Variants in CYB5A observed in about 807,000 individuals in gnomAD.
The protein encoded by CYB5A is cytochrome b5 type A, also known as cytochrome b5.
CYB5A carries 10 observed loss-of-function variants against 16.2 expected under a neutral mutation model. That is an observed-to-expected ratio of 0.62 (90% CI 0.38 to 1.04). CYB5A has a LOEUF of 1.04. Ranked by LOEUF, CYB5A falls within the 50% of genes least tolerant of loss-of-function variation. The pLI, the probability that CYB5A is intolerant of heterozygous loss-of-function variation, is 0.01. For missense variants in CYB5A, 161 were observed against 165.9 expected (o/e 0.97, Z 0.16); for synonymous variants, 62 against 57.0 (o/e 1.09, Z -0.40).
At chr18:74,275,135 A>C (rs985341382) in intron 1 of CYB5A, among the ~76,000 whole-genome samples, 3 of 152,184 alleles carry the variant, frequency 2.0e-5, no homozygotes, top group African/African-American at 4.8e-5. Context: ...GCAGCACAGG[A>C]GGTACCCTTC....
At chr18:74,255,464 G>A (rs928088551) in intron 4 of CYB5A, among the ~76,000 whole-genome samples, 4 of 152,230 alleles carry the variant, frequency 2.6e-5, no homozygotes, top group South Asian at 4.1e-4. Flanking sequence ...GGCCGCCTAA[G>A]ATGCTGCCCT....
Position 74,251,721 on chromosome 18 carries a change from T to A in CYB5A, c.*1863A>T, listed in dbSNP as rs1981781416. Reference sequence around the variant, plus strand: ...TCCTTGAGAGTCTGGCTGCACAAACTGTAAATGTTAAAATTAGGAAGTAAA... The same window carrying A: ...TCCTTGAGAGTCTGGCTGCACAAACAGTAAATGTTAAAATTAGGAAGTAAA... On this transcript the variant is annotated 3_prime_UTR_variant, in exon 5 of 5. Transcript: ENST00000340533. 6.6e-6 allele frequency: 1 copy of A among 152,186 alleles called. No individual in the cohort carries two copies. The highest frequency in any genetic ancestry group is 1.5e-5 in the Non-Finnish European group (1 of 68,030). The allele number at this position is 152,186 out of a possible 1,614,324, so 9.4% of individuals were successfully genotyped here. A position where few individuals can be genotyped will look rare whatever the true frequency, so the allele number is the denominator to read the frequency against.
At position 74,291,902 on chromosome 18, in the gene CYB5A, C is replaced by G; in HGVS notation, c.-27G>C. The G allele has an allele frequency of 6.2e-7, 1 of 1,608,676 alleles. No individual in the cohort carries two copies. Among genetic ancestry groups the G allele is most frequent in the Non-Finnish European group, 8.5e-7 (1 of 1,179,766 alleles). On this transcript the variant is annotated 5_prime_UTR_variant, in exon 1 of 5. Transcript: ENST00000340533. The stretch of plus-strand genomic sequence containing the variant: ...TCGGTTCGCCGCGAGCCAGGCCCAG[C>G]ACACACAGCCCCGTCGGGTGGAGCA...
chr18:74,284,232 CCAAAAAAA>C (rs1356957817), intron 1 of CYB5A, among the ~76,000 whole-genome samples: 3 of 100,230 alleles, frequency 3.0e-5, no homozygotes, highest in African/African-American at 9.5e-5. Flanking sequence ...AACTCCATCT[CCAAAAAAA>C]AAAAAAAAAA....
At chr18:74,282,838 A>G (rs11876258) in intron 1 of CYB5A, among the ~76,000 whole-genome samples, 4,906 of 152,274 alleles carry the variant, frequency 0.032, 212 homozygotes, top group East Asian at 0.18. Flanking sequence ...CAGGGCAAAG[A>G]GATACAATTT....
chr18:74,254,459 T>C (rs1265319823), intron 4 of CYB5A, among the ~76,000 whole-genome samples: 1 of 147,800 alleles, frequency 6.8e-6, no homozygotes, highest in East Asian at 2.0e-4. Flanking sequence ...TTTCGATCTA[T>C]AAATTACAGA....
chr18:74,264,820 T>C (rs1214422579), intron 1 of CYB5A, among the ~76,000 whole-genome samples: 1 of 152,152 alleles, frequency 6.6e-6, no homozygotes, highest in African/African-American at 2.4e-5. Context: ...TCCAAGATGA[T>C]TGACAAGTGG....
At position 74,252,410 on chromosome 18, in the gene CYB5A, T is replaced by C. The variant is rs1282964552; in HGVS notation, c.*1174A>G. On this transcript the variant is annotated 3_prime_UTR_variant, in exon 5 of 5. Transcript: ENST00000340533. ...GGAGACAGAGCCACACCAGAACTCT[T>C]CAGAGCTTGACACTAGCCGCTAAAT... 2 of 152,212 alleles carry C rather than the reference T, an allele frequency of 1.3e-5. No homozygotes were observed. Among genetic ancestry groups the C allele is most frequent in the Non-Finnish European group, 2.9e-5 (2 of 68,038 alleles). The allele number at this position is 152,212 out of a possible 1,614,324, so 9.4% of individuals were successfully genotyped here. A position where few individuals can be genotyped will look rare whatever the true frequency, so the allele number is the denominator to read the frequency against.
chr18:74,256,904 T>C (rs767469713), intron 3 of CYB5A: 1 of 1,491,146 alleles, frequency 6.7e-7, no homozygotes, highest in East Asian at 2.3e-5. Context: ...AAATTGCAAA[T>C]TTATTATCTA....
intron 1 of CYB5A, among the ~76,000 whole-genome samples, chr18:74,273,738 G>C (rs971415344): frequency 5.9e-5 from 9 of 152,026 alleles, no homozygotes; most frequent in African/African-American, 2.2e-4. Context: ...CTGCAGGAGA[G>C]ATGCCAAGGC....
At chr18:74,281,409 C>A (rs908328605) in intron 1 of CYB5A, among the ~76,000 whole-genome samples, 1 of 152,116 alleles carries the variant, frequency 6.6e-6, no homozygotes, top group African/African-American at 2.4e-5. Context: ...AAGCCCAGGC[C>A]CCAGGGGGGC....
At chr18:74,258,728 G>A (rs980014346) in intron 3 of CYB5A, 1 of 152,226 alleles carries the variant, frequency 6.6e-6, no homozygotes, top group Admixed American at 6.5e-5. Context: ...AAAAAGGCCA[G>A]CAAGTTCTTG....
At position 74,291,100 on chromosome 18, in the gene CYB5A, C is replaced by T. The variant is rs1426899885; in HGVS notation, c.129+647G>A. On this transcript the variant is annotated intron_variant, in intron 1 of 4. Transcript: ENST00000340533. ...GACCGCAAGGTCGGCCAGTGGCTGC[C>T]GCGGGAAGCGCAGGCCCGGACCACA... 4.8e-5 allele frequency: 8 copies of T among 165,228 alleles called. No individual in the cohort carries two copies. The South Asian group carries it at 1.3e-3, about 27-fold the overall frequency. The allele number at this position is 165,228 out of a possible 1,614,324, so 10.2% of individuals were successfully genotyped here.
intron 1 of CYB5A, among the ~76,000 whole-genome samples, chr18:74,268,012 T>C (rs1049550006): frequency 6.6e-6 from 1 of 152,210 alleles, no homozygotes; most frequent in Admixed American, 6.5e-5. Context: ...CGGTCTTCCG[T>C]CTTTCCAGAG....
intron 1 of CYB5A, among the ~76,000 whole-genome samples, chr18:74,275,094 G>A (rs10514121): frequency 0.035 from 5,325 of 152,202 alleles, 176 homozygotes; most frequent in East Asian, 0.19. Context: ...AAATGCCTCT[G>A]GAACTTCTCG....
At position 74,251,477 on chromosome 18, in the gene CYB5A, A is replaced by G. The variant is rs1345397588; in HGVS notation, c.*2107T>C. On this transcript the variant is annotated 3_prime_UTR_variant, in exon 5 of 5. Transcript: ENST00000340533. ...GTTTCTGATTAGCCTTTCCAAAGGA[A>G]GCAATCAGATATGCCTCTCTCTCAG... 2 of 152,228 alleles carry G rather than the reference A, an allele frequency of 1.3e-5. No homozygotes were observed. Among genetic ancestry groups the G allele is most frequent in the East Asian group, 3.8e-4 (2 of 5,204 alleles). The allele number at this position is 152,228 out of a possible 1,614,324, so 9.4% of individuals were successfully genotyped here. A position where few individuals can be genotyped will look rare whatever the true frequency, so the allele number is the denominator to read the frequency against.
At chr18:74,256,913 T>C in intron 3 of CYB5A, 1 of 1,417,184 alleles carries the variant, frequency 7.1e-7, no homozygotes, top group South Asian at 1.2e-5. Context: ...ATTTATTATC[T>C]ATTCCAGCAA....
intron 4 of CYB5A, among the ~76,000 whole-genome samples, chr18:74,254,492 A>G (rs1197895712): frequency 6.6e-6 from 1 of 151,298 alleles, no homozygotes; most frequent in Non-Finnish European, 1.5e-5. Flanking sequence ...TCAGGGACAA[A>G]GGAGGGATGA....
intron 1 of CYB5A, among the ~76,000 whole-genome samples, chr18:74,269,671 G>C (rs976583104): frequency 3.9e-5 from 6 of 152,150 alleles, no homozygotes; most frequent in African/African-American, 1.4e-4. Context: ...CAAAAGCCTA[G>C]GAGTCAAGTT....
Sources: gnomAD v4.1 joint callset for allele counts (sites outside exome capture counted in the v4.1 genomes callset) on GRCh38, gnomAD v4.1.1 for gene constraint, MANE v1.5 for transcripts, NCBI Gene and HGNC (gene_info 2026-07-23, HGNC 2026-07-21) for gene names.